The following ZMYM5 variants were observed in gnomAD, a reference collection of about 807,000 sequenced individuals.
ZMYM5 encodes the protein zinc finger MYM-type protein 5.
In ZMYM5, 41 loss-of-function variants were observed where a neutral mutation model predicts 61.8. That is an observed-to-expected ratio of 0.66 (90% CI 0.52 to 0.86). The LOEUF is 0.86. Ranked by LOEUF, ZMYM5 falls within the 40% of genes least tolerant of loss-of-function variation. ZMYM5 has a pLI of 0.00. For synonymous variants in ZMYM5, 257 were observed against 276.4 expected (o/e 0.93, Z 0.70); for missense variants, 706 against 786.7 (o/e 0.90, Z 1.23).
chr13:19,838,644 T>C, intron 5 of ZMYM5, 56 bp downstream of exon 5: 1 of 1,580,970 alleles, frequency 6.3e-7, no homozygotes, highest in East Asian at 2.2e-5. Flanking sequence ...TATTGAGTAC[T>C]TATTTATACC....
Position 19,857,338 on chromosome 13 carries a change from T to G in ZMYM5, c.-11+5061A>C, listed in dbSNP as rs114114957. Reference sequence around the variant, plus strand: ...AAACAACGTAAATTTAACGGGATATTTAGGTGTAAAGATAAGGGTTAACAT... The same window carrying G: ...AAACAACGTAAATTTAACGGGATATGTAGGTGTAAAGATAAGGGTTAACAT... On this transcript the variant is annotated intron_variant, in intron 2 of 7. Coordinates refer to ENST00000337963, the MANE Select transcript of ZMYM5 (RefSeq NM_001142684.2). 4.5e-3 allele frequency among the ~76,000 whole-genome samples: 692 copies of G among 152,306 alleles called. 7 individuals are homozygous for G. The highest frequency in any genetic ancestry group is 0.016 in the African/African-American group (667 of 41,564).
At chr13:19,835,746 A>G (rs1952654431) in intron 6 of ZMYM5, 57 bp from the exon 7 acceptor site, 2 of 1,240,728 alleles carry the variant, frequency 1.6e-6, no homozygotes, top group Non-Finnish European at 2.2e-6. Flanking sequence ...TAGCATAGCA[A>G]GCAATGAGAT....
At chr13:19,841,517 T>C (rs993809956) in intron 4 of ZMYM5, among the ~76,000 whole-genome samples, 3 of 152,232 alleles carry the variant, frequency 2.0e-5, no homozygotes, top group East Asian at 1.9e-4. Context: ...TGATGTCTGA[T>C]ACTTTATACA....
intron 2 of ZMYM5, among the ~76,000 whole-genome samples, chr13:19,857,033 G>T (rs985682002): frequency 6.6e-6 from 1 of 152,154 alleles, no homozygotes; most frequent in Non-Finnish European, 1.5e-5. Flanking sequence ...GTGAACCCGG[G>T]AGGCGGAGCT....
At chr13:19,837,860 G>T in intron 5 of ZMYM5, 39 bp from the exon 6 acceptor site, 1 of 1,554,630 alleles carries the variant, frequency 6.4e-7, no homozygotes, top group South Asian at 1.2e-5. Context: ...TAAGAACACT[G>T]AATTTTAATA....
rs1180153142 is a variant in ZMYM5 at position 19,823,612 on chromosome 13, G to C, written c.*865C>G. On this transcript the variant is annotated 3_prime_UTR_variant, in exon 8 of 8. Coordinates refer to ENST00000337963, the MANE Select transcript of ZMYM5 (RefSeq NM_001142684.2). Reference sequence around the variant, plus strand: ...AAATAAACATAAAACCAATAAAATGGAAATTAACCATCATTAACATAACAA... The same window carrying C: ...AAATAAACATAAAACCAATAAAATGCAAATTAACCATCATTAACATAACAA... 1 of 151,830 alleles carries C rather than the reference G, an allele frequency of 6.6e-6. No homozygotes were observed. Among genetic ancestry groups the C allele is most frequent in the Non-Finnish European group, 1.5e-5 (1 of 67,982 alleles). The allele number at this position is 151,830 out of a possible 1,614,324, so 9.4% of individuals were successfully genotyped here.
chr13:19,857,926 T>C (rs888814694), intron 2 of ZMYM5, among the ~76,000 whole-genome samples: 28 of 152,020 alleles, frequency 1.8e-4, no homozygotes, highest in Non-Finnish European at 2.9e-4. Context: ...GGTGGAAGGA[T>C]GGCTTGAGCC....
At chr13:19,861,126 A>G (rs1335948608) in intron 2 of ZMYM5, among the ~76,000 whole-genome samples, 1 of 151,948 alleles carries the variant, frequency 6.6e-6, no homozygotes, top group Non-Finnish European at 1.5e-5. Context: ...GGATTACAGG[A>G]GTGAGTCACA....
At position 19,851,693 on chromosome 13, in the gene ZMYM5, C is replaced by A; in HGVS notation, c.488G>T (p.Ser163Ile). Reference sequence around the variant, plus strand: ...ATTACCCATTCCTGCATTTACCTTACTTCTTGAAAGACTGGAAGTGGAGAA... The same window carrying A: ...ATTACCCATTCCTGCATTTACCTTAATTCTTGAAAGACTGGAAGTGGAGAA... ...LDFSTSSLSR[S>I]KTKTGVRPFN... is the part of the protein sequence containing the mutation. Residue 163 changes from serine (S) to isoleucine (I), a missense_variant, in exon 3 of 8, where the codon AGT becomes ATT. Physicochemically the swap from Ser to Ile is moderately radical, Grantham distance 142. Around this residue, in one of 2 missense-constraint regions of ZMYM5, gnomAD observed 480 missense variants for 461.7 expected, o/e 1.04. Transcript: ENST00000337963. 6.4e-7 allele frequency: 1 copy of A among 1,567,172 alleles called. No homozygotes were observed. The highest frequency in any genetic ancestry group is 1.2e-5 in the South Asian group (1 of 80,664).
intron 7 of ZMYM5, among the ~76,000 whole-genome samples, chr13:19,827,677 C>T (rs534878827): frequency 5.9e-5 from 9 of 152,016 alleles, no homozygotes; most frequent in Admixed American, 3.3e-4. Context: ...AGACACATTA[C>T]CTATTTTGGT....
intron 6 of ZMYM5, chr13:19,837,373 T>A: frequency 7.4e-7 from 1 of 1,356,256 alleles, no homozygotes; most frequent in Non-Finnish European, 9.5e-7. Context: ...ACATTTTTAT[T>A]TAATGTCATC....
chr13:19,823,994 A>G lies in ZMYM5; in HGVS notation c.*483T>C, dbSNP rs1430391080. ...GCTGGGACTACAGGTGTGTGCCACCACACCTGGCTAATTTTTGTATTTTTA... is the reference window on the plus strand; with the variant it reads ...GCTGGGACTACAGGTGTGTGCCACCGCACCTGGCTAATTTTTGTATTTTTA... On this transcript the variant is annotated 3_prime_UTR_variant, in exon 8 of 8. Coordinates refer to ENST00000337963, the MANE Select transcript of ZMYM5 (RefSeq NM_001142684.2). The G allele has an allele frequency of 6.6e-6, 1 of 152,260 alleles. No homozygotes were observed. The highest frequency in any genetic ancestry group is 1.5e-5 in the Non-Finnish European group (1 of 68,146). 9.4% of individuals were successfully genotyped at this position (152,260 alleles called of 1,614,324 possible).
At position 19,851,743 on chromosome 13, in the gene ZMYM5, A is replaced by G. The variant is rs750187410; in HGVS notation, c.438T>C (p.Thr146=). 1 of 1,586,244 alleles carries G rather than the reference A, an allele frequency of 6.3e-7. No individual in the cohort carries two copies. The highest frequency in any genetic ancestry group is 8.5e-7 in the Non-Finnish European group (1 of 1,172,842). The part of the protein sequence containing the change: ...SCFIEWGLPG[T]KNKTNDLDFS... The stretch of plus-strand genomic sequence containing the variant: ...AATCCAAATCGTTGGTTTTGTTTTT[A>G]GTTCCAGGAAGTCCCCATTCGATAA... The change falls in exon 3 of 8, where the codon ACT becomes ACC. Residue 146 remains threonine, a synonymous_variant. Transcript: ENST00000337963.
At chr13:19,853,920 A>C (rs894979056) in intron 2 of ZMYM5, among the ~76,000 whole-genome samples, 2 of 151,906 alleles carry the variant, frequency 1.3e-5, no homozygotes, top group African/African-American at 4.8e-5. Flanking sequence ...TGAGAGTGAA[A>C]GGGGTGGGAA....
At chr13:19,848,970 C>CA (rs1181037083) in intron 4 of ZMYM5, among the ~76,000 whole-genome samples, 1 of 150,468 alleles carries the variant, frequency 6.6e-6, no homozygotes, top group African/African-American at 2.4e-5. Flanking sequence ...AATCTGAGAC[C>CA]AAAAAAATTG....
Position 19,851,951 on chromosome 13 carries a change from G to A in ZMYM5, c.230C>T (p.Ala77Val), listed in dbSNP as rs759492521. The A allele has an allele frequency of 2.0e-5, 33 of 1,613,872 alleles. No individual in the cohort carries two copies. The highest frequency in any genetic ancestry group is 2.7e-5 in the Non-Finnish European group (32 of 1,180,008). The change falls in exon 3 of 8, where the codon GCT becomes GTT. Residue 77 changes from alanine to valine, a missense_variant. By Grantham distance (64) the Ala-to-Val change is moderately conservative. Coordinates refer to ENST00000337963, the MANE Select transcript of ZMYM5 (RefSeq NM_001142684.2). ...TGCAAATATGAAGTTTCTTTGATCA[G>A]CTATTGCTGGAGCAGAAATTGAAGG... is the stretch of plus-strand genomic sequence containing the variant. Reference protein sequence around the residue: ...QPPSISAPAIADQRNFIFASS... With the variant: ...QPPSISAPAIVDQRNFIFASS...
intron 4 of ZMYM5, among the ~76,000 whole-genome samples, chr13:19,840,708 G>A (rs35876545): frequency 2.7e-5 from 4 of 150,418 alleles, no homozygotes; most frequent in African/African-American, 7.3e-5. Context: ...ACGGAGTCTC[G>A]CTCTGTCGCC....
chr13:19,837,445 AACAGATGTGT>A, intron 6 of ZMYM5: 1 of 1,554,442 alleles, frequency 6.4e-7, no homozygotes, highest in Non-Finnish European at 8.6e-7. Context: ...ATTCCATAGA[AACAGATGTGT>A]ACTTTCCATG....
Position 19,847,401 on chromosome 13 carries a change from AG to A in ZMYM5, c.586+3953del, listed in dbSNP as rs550852627. Among the ~76,000 whole-genome samples the A allele has an allele frequency of 8.5e-5, 13 of 152,270 alleles. 1 individual carries two copies. In the East Asian group the frequency reaches 2.5e-3, roughly 29 times the overall value. On this transcript the variant is annotated intron_variant, in intron 4 of 7. Coordinates refer to ENST00000337963, the MANE Select transcript of ZMYM5 (RefSeq NM_001142684.2). Reference sequence around the variant, plus strand: ...CCTTCTCCAACCACCTATCTATGTGAGGCCAGATTTTCTTCTTATACTTCAA... The same window carrying A: ...CCTTCTCCAACCACCTATCTATGTGAGCCAGATTTTCTTCTTATACTTCAA...
Sources: allele counts gnomAD v4.1 joint callset (sites outside exome capture counted in the v4.1 genomes callset), GRCh38; gene constraint gnomAD v4.1.1; regional missense constraint gnomAD v4.1.1; transcripts MANE v1.5; gene names NCBI Gene and HGNC (gene_info 2026-07-23, HGNC 2026-07-21).